The following KCNQ1 variants were observed in gnomAD, a reference collection of about 807,000 sequenced individuals.
The protein encoded by KCNQ1 is potassium voltage-gated channel subfamily Q member 1, also known as potassium voltage-gated channel subfamily KQT member 1.
In KCNQ1, 49 loss-of-function variants were observed where a neutral mutation model predicts 72.4. That is an observed-to-expected ratio of 0.68 (90% CI 0.54 to 0.86). The LOEUF (loss-of-function observed/expected upper bound fraction) is 0.86, where lower values mean the gene tolerates loss of function less well. Ranked by LOEUF, KCNQ1 falls within the 40% of genes least tolerant of loss-of-function variation. KCNQ1 has a pLI of 0.00. For synonymous variants in KCNQ1, 450 were observed against 412.6 expected (o/e 1.09, Z -1.10); for missense variants, 790 against 945.1 (o/e 0.84, Z 2.15).
In KCNQ1 at chr11:2,565,590, G is replaced by T. The variant is rs1379817832; in HGVS notation, c.478-5038G>T. 6.6e-6 allele frequency among the ~76,000 whole-genome samples: 1 copy of T among 152,216 alleles called. No individual in the cohort carries two copies. The highest frequency in any genetic ancestry group is 1.5e-5 in the Non-Finnish European group (1 of 68,038). On this transcript the variant is annotated intron_variant, in intron 2 of 15. Transcript: ENST00000155840. This position sits in a 1 kb window ranked among gnomAD's most constrained non-coding sequence, Gnocchi z 5.6. Reference sequence around the variant, plus strand: ...CACTCATGGTAGAACAGAGCTGAGGGTGCAGTGTGGGATGGGCTGACTTGT... The same window carrying T: ...CACTCATGGTAGAACAGAGCTGAGGTTGCAGTGTGGGATGGGCTGACTTGT...
At chr11:2,504,508 C>T (rs1405175664) in intron 1 of KCNQ1, among the ~76,000 whole-genome samples, 2 of 152,140 alleles carry the variant, frequency 1.3e-5, no homozygotes, top group African/African-American at 4.8e-5. Context: ...GTAATTTCAG[C>T]ACTTTGGGAG....
rs953640247 is a variant in KCNQ1, at chr11:2,475,713, G to A, written c.386+30229G>A. ...CCCTGTGTTGTGGGAGGGACCTGGT[G>A]GGGGGTAATTGAATCACGGGGACGA... On this transcript the variant is annotated intron_variant, in intron 1 of 15. Transcript: ENST00000155840. This position sits in a 1 kb window ranked among gnomAD's most constrained non-coding sequence, Gnocchi z 5.8. Among the ~76,000 whole-genome samples the A allele has an allele frequency of 2.0e-5, 3 of 152,120 alleles. No individual in the cohort carries two copies. Among genetic ancestry groups the A allele is most frequent in the African/African-American group, 4.8e-5 (2 of 41,410 alleles).
chr11:2,666,709 C>G, intron 11 of KCNQ1: 5 of 398,732 alleles, frequency 1.3e-5, no homozygotes. Context: ...CATCCAGGTC[C>G]ACTGTGACCT....
In KCNQ1 at chr11:2,611,058, C is replaced by T. The variant is rs117387809; in HGVS notation, c.1393+22204C>T. On this transcript the variant is annotated intron_variant, in intron 10 of 15. Coordinates refer to ENST00000155840, the MANE Select transcript of KCNQ1 (RefSeq NM_000218.3). This position sits in a 1 kb window ranked among gnomAD's most constrained non-coding sequence, Gnocchi z 5.3. ...TCTGACAGTTTTATTTCATATACTT[C>T]AGGGCTGTGTTTTTAGCTGTTATAA... is the stretch of plus-strand genomic sequence containing the variant. The T allele has an allele frequency of 0.018, 7,009 of 398,344 alleles. 261 individuals are homozygous for T. Among genetic ancestry groups the T allele is most frequent in the East Asian group, 0.1 (2,838 of 28,046 alleles). The allele number at this position is 398,344 out of a possible 1,614,324, so 24.7% of individuals were successfully genotyped here.
chr11:2,776,119 T>C, intron 13 of KCNQ1, 65 bp downstream of exon 13: 1 of 1,352,964 alleles, frequency 7.4e-7, no homozygotes, highest in Admixed American at 2.0e-5. Flanking sequence ...CCCAGCTGCA[T>C]GATCAGCGGT....
chr11:2,686,490 C>T (rs780240985), intron 11 of KCNQ1: 9 of 398,612 alleles, frequency 2.3e-5, no homozygotes, highest in Non-Finnish European at 3.5e-5. Flanking sequence ...TACCCCCACC[C>T]TCACCCAGTG....
Position 2,653,170 on chromosome 11 carries a change from C to G in KCNQ1, c.1394-8791C>G, listed in dbSNP as rs946330322. The G allele has an allele frequency of 7.5e-6, 3 of 398,616 alleles. No individual in the cohort carries two copies. Among genetic ancestry groups the G allele is most frequent in the Non-Finnish European group, 1.3e-5 (3 of 226,120 alleles). 24.7% of individuals were successfully genotyped at this position (398,616 alleles called of 1,614,324 possible). Reference sequence around the variant, plus strand: ...AAGCCAATGTCCCACCTTAGGAAATCCCTTTCCAAGAGTTCCCTGTGCTGT... The same window carrying G: ...AAGCCAATGTCCCACCTTAGGAAATGCCTTTCCAAGAGTTCCCTGTGCTGT... On this transcript the variant is annotated intron_variant, in intron 10 of 15. Coordinates refer to ENST00000155840, the MANE Select transcript of KCNQ1 (RefSeq NM_000218.3). This position sits in a 1 kb window ranked among gnomAD's most constrained non-coding sequence, Gnocchi z 5.3.
At chr11:2,501,818 T>C (rs892960112) in intron 1 of KCNQ1, among the ~76,000 whole-genome samples, 9 of 150,226 alleles carry the variant, frequency 6.0e-5, no homozygotes, top group African/African-American at 1.5e-4. Flanking sequence ...CAAAGCAAAT[T>C]CAGCAACACC....
At chr11:2,701,985 G>A (rs1850823383) in intron 11 of KCNQ1, among the ~76,000 whole-genome samples, 1 of 152,254 alleles carries the variant, frequency 6.6e-6, no homozygotes, top group Admixed American at 6.5e-5. Context: ...AGTTGAGGGT[G>A]GCCTCAGGCC....
In KCNQ1 at chr11:2,787,444, G is replaced by C. The variant is rs1590087816; in HGVS notation, c.1794+9407G>C. Among the ~76,000 whole-genome samples, 1 of 152,184 alleles carries C rather than the reference G, an allele frequency of 6.6e-6. No individual in the cohort carries two copies. Among genetic ancestry groups the C allele is most frequent in the Admixed American group, 6.5e-5 (1 of 15,284 alleles). On this transcript the variant is annotated intron_variant, in intron 15 of 15. Coordinates refer to ENST00000155840, the MANE Select transcript of KCNQ1 (RefSeq NM_000218.3). The surrounding 1 kb of genome is among the most constrained non-coding windows in gnomAD (Gnocchi z 6.3). ...TACCTTCAGGGCCCCTATTACCTCTGGGGTTCCACTTTCACTGAGTTTTCA... is the reference window on the plus strand; with the variant it reads ...TACCTTCAGGGCCCCTATTACCTCTCGGGTTCCACTTTCACTGAGTTTTCA...
intron 1 of KCNQ1, among the ~76,000 whole-genome samples, chr11:2,470,295 CG>C (rs951844991): frequency 6.6e-6 from 1 of 152,054 alleles, no homozygotes; most frequent in African/African-American, 2.4e-5. Flanking sequence ...CAAAGAGGTG[CG>C]TAGGAGGTTT....
At chr11:2,532,672 A>G (rs777930659) in intron 2 of KCNQ1, among the ~76,000 whole-genome samples, 1 of 152,108 alleles carries the variant, frequency 6.6e-6, no homozygotes, top group East Asian at 1.9e-4. Flanking sequence ...AGAAGGAGGT[A>G]AGCTGGTGCT....
At chr11:2,667,292 G>C in intron 11 of KCNQ1, 1 of 398,616 alleles carries the variant, frequency 2.5e-6, no homozygotes, top group African/African-American at 2.1e-5. Context: ...ATGGGGAGAG[G>C]GCCGCACTGT....
rs1193193080 is a variant in KCNQ1, at chr11:2,745,025, C to G, written c.1515-23819C>G. 6.6e-6 allele frequency among the ~76,000 whole-genome samples: 1 copy of G among 152,166 alleles called. No homozygotes were observed. The highest frequency in any genetic ancestry group is 1.5e-5 in the Non-Finnish European group (1 of 68,032). On this transcript the variant is annotated intron_variant, in intron 11 of 15. Coordinates refer to ENST00000155840, the MANE Select transcript of KCNQ1 (RefSeq NM_000218.3). This position sits in a 1 kb window ranked among gnomAD's most constrained non-coding sequence, Gnocchi z 6.2. The stretch of plus-strand genomic sequence containing the variant: ...GGTCGGAAGGACAATGGCGGCACCC[C>G]AAGACCTGATGCTCTGGTTTAGAAA...
In KCNQ1 at chr11:2,484,811, G is replaced by A. The variant is rs759534096; in HGVS notation, c.386+39327G>A. On this transcript the variant is annotated intron_variant, in intron 1 of 15. Coordinates refer to ENST00000155840, the MANE Select transcript of KCNQ1 (RefSeq NM_000218.3). This position sits in a 1 kb window ranked among gnomAD's most constrained non-coding sequence, Gnocchi z 5.2. ...CACGTCTACGCTTCTGTGTTCATCT[G>A]CAGATATATTCATACATGAGTGGGC... 4.6e-5 allele frequency among the ~76,000 whole-genome samples: 7 copies of A among 152,218 alleles called. No homozygotes were observed. The highest frequency in any genetic ancestry group is 7.3e-5 in the Non-Finnish European group (5 of 68,046).
chr11:2,548,044 A>G (rs1292877693), intron 2 of KCNQ1, among the ~76,000 whole-genome samples: 2 of 151,720 alleles, frequency 1.3e-5, no homozygotes, highest in African/African-American at 4.8e-5. Flanking sequence ...GACTCTGGGG[A>G]GTTAGGGTTT....
chr11:2,633,081 T>A (rs1849389686), intron 10 of KCNQ1: 6 of 398,404 alleles, frequency 1.5e-5, no homozygotes, highest in Non-Finnish European at 2.7e-5. Context: ...GCATTTGTTA[T>A]GTTTTGTCTT....
chr11:2,658,764 T>A lies in KCNQ1; in HGVS notation c.1394-3197T>A. On this transcript the variant is annotated intron_variant, in intron 10 of 15. Coordinates refer to ENST00000155840, the MANE Select transcript of KCNQ1 (RefSeq NM_000218.3). This position sits in a 1 kb window ranked among gnomAD's most constrained non-coding sequence, Gnocchi z 4.9. ...CTATATAAAGCTAACCATGAGTTCA[T>A]ACTGACATTTCTGACCAGAGTTCAT... 1 of 398,598 alleles carries A rather than the reference T, an allele frequency of 2.5e-6. No individual in the cohort carries two copies. Among genetic ancestry groups the A allele is most frequent in the Non-Finnish European group, 4.4e-6 (1 of 226,058 alleles). The allele number at this position is 398,598 out of a possible 1,614,324, so 24.7% of individuals were successfully genotyped here. A position where few individuals can be genotyped will look rare whatever the true frequency, so the allele number is the denominator to read the frequency against.
At chr11:2,454,123 T>C (rs1846151928) in intron 1 of KCNQ1, among the ~76,000 whole-genome samples, 1 of 151,844 alleles carries the variant, frequency 6.6e-6, no homozygotes, top group Admixed American at 6.6e-5. Context: ...ATAGCAGCTA[T>C]TCTTCATCTG....
Sources: gnomAD v4.1 joint callset for allele counts (sites outside exome capture counted in the v4.1 genomes callset) on GRCh38, gnomAD v4.1.1 for gene constraint, Gnocchi (gnomAD v3.1) non-coding constraint, MANE v1.5 for transcripts, NCBI Gene and HGNC (gene_info 2026-07-23, HGNC 2026-07-21) for gene names.